Variants in ANKRD28 observed in about 807,000 individuals in gnomAD.
The protein encoded by ANKRD28 is serine/threonine-protein phosphatase 6 regulatory ankyrin repeat subunit A.
A neutral mutation model predicts 126.5 loss-of-function variants in ANKRD28; 44 were observed. The ratio of observed to expected loss-of-function variants is 0.35; its 90% CI spans 0.27 to 0.45. The LOEUF (loss-of-function observed/expected upper bound fraction) is 0.45. Among genes scored for constraint, ANKRD28 ranks in the 20% least tolerant of loss-of-function variants. The probability of loss-of-function intolerance (pLI) is 1.00; values close to 1 mark genes in which losing one functional copy is unlikely to be tolerated. For synonymous variants in ANKRD28, 442 were observed against 468.5 expected (o/e 0.94, Z 0.73); for missense variants, 1,110 against 1,316.6 (o/e 0.84, Z 2.43).
intron 2 of ANKRD28, among the ~76,000 whole-genome samples, chr3:15,773,320 C>A (rs1462654195): frequency 6.6e-6 from 1 of 152,052 alleles, no homozygotes; most frequent in African/African-American, 2.4e-5. Context: ...AAGCATAAAT[C>A]TAATAAAAAT....
intron 9 of ANKRD28, 84 bp from the exon 10 acceptor site, chr3:15,713,725 G>T: frequency 1.2e-6 from 1 of 825,600 alleles, no homozygotes. Flanking sequence ...AAAAAATGCT[G>T]TTCACATACA....
chr3:15,785,272 A>G (rs1301214233), intron 2 of ANKRD28, among the ~76,000 whole-genome samples: 1 of 152,132 alleles, frequency 6.6e-6, no homozygotes, highest in Non-Finnish European at 1.5e-5. Flanking sequence ...GACATTGCCT[A>G]AGAATGAAAA....
chr3:15,852,832 C>CAAAAAAAA (rs71064237), intron 1 of ANKRD28, among the ~76,000 whole-genome samples: 1 of 64,010 alleles, frequency 1.6e-5, no homozygotes, highest in Non-Finnish European at 2.8e-5. Context: ...GACTCTGTCT[C>CAAAAAAAA]AAAAAAAAAA....
Position 15,797,953 on chromosome 3 carries a change from C to T in ANKRD28, c.-1432G>A. The stretch of plus-strand genomic sequence containing the variant: ...CCACAGGATGAAATGCCTAGTAATG[C>T]TCACATGTTACACTTACCAGAGATC... On this transcript the variant is annotated 5_prime_UTR_variant, in exon 1 of 28. Transcript: ENST00000683139. 1.0e-6 allele frequency: 1 copy of T among 985,304 alleles called. No homozygotes were observed. Among genetic ancestry groups the T allele is most frequent in the Non-Finnish European group, 1.2e-6 (1 of 829,914 alleles). The allele number at this position is 985,304 out of a possible 1,614,324, so 61.0% of individuals were successfully genotyped here.
intron 4 of ANKRD28, chr3:15,738,821 T>C (rs1442251361): frequency 1.3e-5 from 2 of 152,328 alleles, no homozygotes; most frequent in East Asian, 3.9e-4. Context: ...CTAATAGGCC[T>C]GGGAGCGCTA....
intron 25 of ANKRD28, among the ~76,000 whole-genome samples, 160 bp from the exon 26 acceptor site, chr3:15,677,216 G>A (rs2067032859): frequency 6.6e-6 from 1 of 152,124 alleles, no homozygotes; most frequent in South Asian, 2.1e-4. Context: ...AACACATCTT[G>A]GGAGTGAGGG....
At chr3:15,857,554 G>A (rs1039771221) in intron 1 of ANKRD28, among the ~76,000 whole-genome samples, 8 of 152,140 alleles carry the variant, frequency 5.3e-5, no homozygotes, top group African/African-American at 1.4e-4. Flanking sequence ...CAAAGTGTTG[G>A]GATTACAGGC....
rs190508633 is a variant in ANKRD28, at chr3:15,750,554, T to C, written c.351+1196A>G. On this transcript the variant is annotated intron_variant, in intron 4 of 27. Coordinates refer to ENST00000683139, the MANE Select transcript of ANKRD28 (RefSeq NM_001349278.2). ...AGGTTGTGTGTTCAACTGCACCCAC[T>C]GTCCCCATCCTTCTCCTAACTAGGA... Among the ~76,000 whole-genome samples the C allele has an allele frequency of 3.3e-5, 5 of 152,348 alleles. No individual in the cohort carries two copies. In the East Asian group the frequency reaches 7.7e-4, roughly 23 times the overall value.
In ANKRD28 at chr3:15,670,555, G is replaced by C. The variant is rs2066233784; in HGVS notation, c.2967C>G (p.Gly989=). The stretch of plus-strand genomic sequence containing the variant: ...GAGCACAGGCCAAAGCTGGGGTATA[G>C]CCTAGAATTAAAGATAAAATTTAAA... The part of the protein sequence containing the change: ...GASVLAVDEN[G]YTPALACAPN... The change falls in exon 28 of 28, where the codon GGC becomes GGG. Residue 989 remains glycine (G), a splice_region_variant and synonymous_variant. Coordinates refer to ENST00000683139, the MANE Select transcript of ANKRD28 (RefSeq NM_001349278.2). 1 of 1,606,984 alleles carries C rather than the reference G, an allele frequency of 6.2e-7. No homozygotes were observed. Among genetic ancestry groups the C allele is most frequent in the Non-Finnish European group, 8.5e-7 (1 of 1,175,888 alleles).
chr3:15,825,110 G>A (rs1473050239), intron 1 of ANKRD28, among the ~76,000 whole-genome samples: 3 of 152,192 alleles, frequency 2.0e-5, no homozygotes, highest in African/African-American at 7.2e-5. Flanking sequence ...ACATCACAGG[G>A]CAGAAATCTT....
intron 4 of ANKRD28, chr3:15,738,718 GAGC>G (rs1169617906): frequency 6.6e-6 from 1 of 152,386 alleles, no homozygotes; most frequent in African/African-American, 2.4e-5. Context: ...GTCGGAAACA[GAGC>G]AGGTCAAAAC....
At chr3:15,835,034 G>C (rs2061292619) in intron 1 of ANKRD28, among the ~76,000 whole-genome samples, 1 of 152,146 alleles carries the variant, frequency 6.6e-6, no homozygotes, top group Non-Finnish European at 1.5e-5. Context: ...TGTAATTCCA[G>C]CTACTCGGGA....
intron 2 of ANKRD28, among the ~76,000 whole-genome samples, chr3:15,789,977 T>C (rs1337945528): frequency 1.3e-5 from 2 of 152,060 alleles, no homozygotes; most frequent in East Asian, 1.9e-4. Context: ...TTATGACTTA[T>C]GCAGAAATCC....
chr3:15,713,631 G>A lies in ANKRD28; in HGVS notation c.1086C>T (p.Ile362=), dbSNP rs756297192. The A allele has an allele frequency of 1.5e-4, 248 of 1,603,126 alleles. No individual in the cohort carries two copies. Among genetic ancestry groups the A allele is most frequent in the Non-Finnish European group, 4.9e-5 (58 of 1,175,606 alleles). The change falls in exon 10 of 28, where the codon ATC becomes ATT. Residue 362 remains isoleucine (I), a synonymous_variant. Transcript: ENST00000683139. ...SQTIIQSGAV[I]DCEDKNGNTP... Reference sequence around the variant, plus strand: ...TATTTCCATTCTTATCCTCACAGTCGATTACAGCTCCTGCAATATAGGACT... The same window carrying A: ...TATTTCCATTCTTATCCTCACAGTCAATTACAGCTCCTGCAATATAGGACT...
chr3:15,694,530 T>C (rs2069256235), intron 17 of ANKRD28, among the ~76,000 whole-genome samples: 1 of 151,986 alleles, frequency 6.6e-6, no homozygotes, highest in South Asian at 2.1e-4. Context: ...TTTTTTTTTT[T>C]TCTAAAGCAA....
chr3:15,812,931 C>A lies in ANKRD28; in HGVS notation c.28-17625G>T, dbSNP rs2060747404. ...ATCCTGAATGTGACCCGATTCACTCCAATTTGAAGAAAACAATCAGGTAAA... is the reference window on the plus strand; with the variant it reads ...ATCCTGAATGTGACCCGATTCACTCAAATTTGAAGAAAACAATCAGGTAAA... On this transcript the variant is annotated intron_variant, in intron 1 of 27. Coordinates refer to the ANKRD28 transcript ENST00000399451. This position sits in a 1 kb window ranked among gnomAD's most constrained non-coding sequence, Gnocchi z 4.1. Among the ~76,000 whole-genome samples, 1 of 152,052 alleles carries A rather than the reference C, an allele frequency of 6.6e-6. No homozygotes were observed. Among genetic ancestry groups the A allele is most frequent in the Admixed American group, 6.6e-5 (1 of 15,260 alleles).
chr3:15,684,715 TAA>T (rs1334231457), intron 21 of ANKRD28: 11 of 130,286 alleles, frequency 8.4e-5, no homozygotes, highest in South Asian at 2.4e-4. Flanking sequence ...GTGGGACTCT[TAA>T]AAAAAAAAAA....
chr3:15,705,366 A>G (rs1325481945), intron 14 of ANKRD28, among the ~76,000 whole-genome samples: 1 of 152,156 alleles, frequency 6.6e-6, no homozygotes, highest in Non-Finnish European at 1.5e-5. Flanking sequence ...CATTTGTCTA[A>G]GGGCAGAAGG....
chr3:15,675,514 A>G (rs550979966), intron 27 of ANKRD28, among the ~76,000 whole-genome samples: 12 of 152,210 alleles, frequency 7.9e-5, no homozygotes, highest in Non-Finnish European at 1.8e-4. Context: ...TCAAACTGAC[A>G]TTATGAAGTA....
Sources: gnomAD v4.1 joint callset for allele counts (sites outside exome capture counted in the v4.1 genomes callset) on GRCh38, gnomAD v4.1.1 for gene constraint, Gnocchi (gnomAD v3.1) non-coding constraint, MANE v1.5 for transcripts, NCBI Gene and HGNC (gene_info 2026-07-23, HGNC 2026-07-21) for gene names.